PDE12: variants seen among roughly 807,000 people sequenced by gnomAD.
PDE12 encodes the protein phosphodiesterase 12.
A neutral mutation model predicts 45.4 loss-of-function variants in PDE12; 26 were observed. That is an observed-to-expected ratio of 0.57 (90% CI 0.42 to 0.79). The LOEUF (loss-of-function observed/expected upper bound fraction) is 0.79, where lower values mean the gene tolerates loss of function less well. PDE12 is among the 30% of genes least tolerant of loss of function. PDE12 has a pLI of 0.00. For missense variants in PDE12, 668 were observed against 790.0 expected (o/e 0.85, Z 1.85); for synonymous variants, 283 against 323.9 (o/e 0.87, Z 1.36).
chr3:57,565,953 T>C lies in PDE12; in HGVS notation c.*5949T>C, dbSNP rs1280755532. The stretch of plus-strand genomic sequence containing the variant: ...CCTCAGAAAAGCTGGGCTATAGTGT[T>C]TTGGGTATCTTAAACCAAGAAAGGG... On this transcript the variant is annotated 3_prime_UTR_variant, in exon 3 of 3. Transcript: ENST00000311180. The C allele has an allele frequency of 6.6e-6, 1 of 152,198 alleles. No individual in the cohort carries two copies. Among genetic ancestry groups the C allele is most frequent in the Non-Finnish European group, 1.5e-5 (1 of 68,040 alleles). The allele number at this position is 152,198 out of a possible 1,614,324, so 9.4% of individuals were successfully genotyped here. A position where few individuals can be genotyped will look rare whatever the true frequency, so the allele number is the denominator to read the frequency against.
chr3:57,607,550 C>CTGA, the PDE12 span, among the ~76,000 whole-genome samples: 3 of 152,050 alleles, frequency 2.0e-5, no homozygotes, highest in African/African-American at 7.2e-5. Context: ...CTTAAGTGAC[C>CTGA]TGATGGAGCT....
rs1291884720 is a variant in PDE12, at chr3:57,565,304, T to A, written c.*5300T>A. 6.6e-6 allele frequency: 1 copy of A among 152,142 alleles called. No homozygotes were observed. Among genetic ancestry groups the A allele is most frequent in the African/African-American group, 2.4e-5 (1 of 41,440 alleles). 9.4% of individuals were successfully genotyped at this position (152,142 alleles called of 1,614,324 possible). The stretch of plus-strand genomic sequence containing the variant: ...ACACATAGCCCTTTTTTTAAAAAAA[T>A]TAAAAACAAATTTTTTCTCCAGAAA... On this transcript the variant is annotated 3_prime_UTR_variant, in exon 3 of 3. Coordinates refer to ENST00000311180, the MANE Select transcript of PDE12 (RefSeq NM_177966.7).
Position 57,561,291 on chromosome 3 carries a change from A to T in PDE12, c.*1287A>T. 2.0e-6 allele frequency: 2 copies of T among 985,492 alleles called. No homozygotes were observed. The highest frequency in any genetic ancestry group is 2.4e-6 in the Non-Finnish European group (2 of 829,604). The allele number at this position is 985,492 out of a possible 1,614,324, so 61.0% of individuals were successfully genotyped here. The stretch of plus-strand genomic sequence containing the variant: ...ATTGAGCATTTCTACACTAGAAGTA[A>T]TTTCAAAATTGTTGGTTTTTATAAA... On this transcript the variant is annotated 3_prime_UTR_variant, in exon 3 of 3. Coordinates refer to ENST00000311180, the MANE Select transcript of PDE12 (RefSeq NM_177966.7).
At chr3:57,617,827 C>G in the PDE12 span, among the ~76,000 whole-genome samples, 1 of 151,686 alleles carries the variant, frequency 6.6e-6, no homozygotes, top group African/African-American at 2.4e-5. Context: ...AGATATTGTG[C>G]CACCACACTC....
At chr3:57,612,277 A>G in the PDE12 span, among the ~76,000 whole-genome samples, 2 of 150,772 alleles carry the variant, frequency 1.3e-5, no homozygotes, top group Non-Finnish European at 3.0e-5. Flanking sequence ...GCATTAGGAG[A>G]TATACCTAAT....
chr3:57,581,935 G>A, the PDE12 span, among the ~76,000 whole-genome samples: 1 of 152,200 alleles, frequency 6.6e-6, no homozygotes, highest in Non-Finnish European at 1.5e-5. Context: ...TAGGTGTACA[G>A]ATTGAGTTTC....
At chr3:57,621,364 T>C in the PDE12 span, among the ~76,000 whole-genome samples, 19 of 152,168 alleles carry the variant, frequency 1.2e-4, no homozygotes, top group Admixed American at 3.9e-4. Flanking sequence ...ATGCAAAACC[T>C]AGAACTGTAA....
At chr3:57,628,170 T>C in the PDE12 span, 1 of 1,592,968 alleles carries the variant, frequency 6.3e-7, no homozygotes. Context: ...GTCAGTATGC[T>C]TCATGATGCA....
chr3:57,584,302 A>G, the PDE12 span: 651 of 1,262,562 alleles, frequency 5.2e-4, 13 homozygotes, highest in East Asian at 0.015. Context: ...CATGCTTAAC[A>G]AAAAGACAAT....
the PDE12 span, among the ~76,000 whole-genome samples, chr3:57,587,016 T>A: frequency 6.6e-6 from 1 of 151,930 alleles, no homozygotes; most frequent in Admixed American, 6.6e-5. Context: ...GACCTCAGAT[T>A]GTCATTTAAA....
the PDE12 span, among the ~76,000 whole-genome samples, chr3:57,603,166 C>CAAAAA: frequency 7.1e-6 from 1 of 140,096 alleles, no homozygotes. Flanking sequence ...GACTCCGTCT[C>CAAAAA]AAAAAAAAAA....
the PDE12 span, among the ~76,000 whole-genome samples, chr3:57,610,421 A>G: frequency 2.6e-5 from 4 of 152,178 alleles, no homozygotes; most frequent in African/African-American, 4.8e-5. Flanking sequence ...AGGGTATTCA[A>G]TTAGGAAAAG....
chr3:57,562,757 A>G lies in PDE12; in HGVS notation c.*2753A>G, dbSNP rs2069740428. The G allele has an allele frequency of 6.6e-6, 1 of 152,240 alleles. No homozygotes were observed. Among genetic ancestry groups the G allele is most frequent in the African/African-American group, 2.4e-5 (1 of 41,468 alleles). 9.4% of individuals were successfully genotyped at this position (152,240 alleles called of 1,614,324 possible). ...TCTTGCACAGTTGCCGCTACAGCAA[A>G]TGTGTCTGCCAATAATCAAAATTCA... On this transcript the variant is annotated 3_prime_UTR_variant, in exon 3 of 3. Transcript: ENST00000311180.
the PDE12 span, among the ~76,000 whole-genome samples, chr3:57,632,856 T>A: frequency 4.6e-5 from 7 of 152,192 alleles, no homozygotes; most frequent in Non-Finnish European, 8.8e-5. Context: ...ATCATAGAGC[T>A]ACAGCCTCAT....
the PDE12 span, among the ~76,000 whole-genome samples, chr3:57,655,725 T>C: frequency 1.3e-5 from 2 of 152,360 alleles, no homozygotes; most frequent in East Asian, 1.9e-4. Context: ...TATCTCATTA[T>C]GTATATGCAA....
the PDE12 span, among the ~76,000 whole-genome samples, chr3:57,649,625 T>C: frequency 3.8e-5 from 4 of 105,830 alleles, no homozygotes; most frequent in African/African-American, 1.4e-4. Flanking sequence ...CATCAATCAA[T>C]GAGTGAAAAA....
the PDE12 span, among the ~76,000 whole-genome samples, chr3:57,610,999 C>T: frequency 6.6e-6 from 1 of 152,094 alleles, no homozygotes; most frequent in African/African-American, 2.4e-5. Context: ...TACAAGGCTA[C>T]AGTAACCAAA....
At chr3:57,578,007 C>T in the PDE12 span, among the ~76,000 whole-genome samples, 2 of 151,982 alleles carry the variant, frequency 1.3e-5, no homozygotes, top group African/African-American at 4.8e-5. Flanking sequence ...GCTGAAATCG[C>T]ACCACTGCAC....
the PDE12 span, chr3:57,584,284 A>G: frequency 8.8e-7 from 1 of 1,138,152 alleles, no homozygotes; most frequent in African/African-American, 1.5e-5. Context: ...TACTTCTAAG[A>G]TAATCAACAT....
Sources: gnomAD v4.1 joint callset for allele counts (sites outside exome capture counted in the v4.1 genomes callset) on GRCh38, gnomAD v4.1.1 for gene constraint, MANE v1.5 for transcripts, NCBI Gene and HGNC (gene_info 2026-07-23, HGNC 2026-07-21) for gene names.